ZNF280C: variants seen among roughly 807,000 people sequenced by gnomAD.
ZNF280C encodes suppressor of hairy wing homolog 3.
A neutral mutation model predicts 53.6 loss-of-function variants in ZNF280C; 14 were observed. The observed-to-expected ratio is 0.26, with a 90% CI of 0.17 to 0.41. ZNF280C has a LOEUF of 0.41. Among genes scored for constraint, ZNF280C ranks in the 10% least tolerant of loss-of-function variants. ZNF280C has a pLI of 1.00. For synonymous variants in ZNF280C, 203 were observed against 181.1 expected, an observed-to-expected ratio of 1.12 and a Z score of -0.97; for missense variants, 416 against 547.1, an observed-to-expected ratio of 0.76 and a Z score of 2.39.
At chrX:130,258,924 A>G (rs772203871) in intron 2 of ZNF280C, among the ~76,000 whole-genome samples, 1 of 112,148 alleles carries the variant, frequency 8.9e-6, no homozygotes, top group East Asian at 2.8e-4. Flanking sequence ...ACATGAGCAC[A>G]ATATCTACCT....
chrX:130,221,626 CTCT>C (rs2032164899), intron 12 of ZNF280C, among the ~76,000 whole-genome samples: 1 of 111,350 alleles, frequency 9.0e-6, no homozygotes, highest in African/African-American at 3.3e-5. Flanking sequence ...TCACTCTTAA[CTCT>C]TCTCTTTCTC....
At chrX:130,264,662 G>A (rs1440423755) in intron 1 of ZNF280C, among the ~76,000 whole-genome samples, 6 of 110,529 alleles carry the variant, frequency 5.4e-5, no homozygotes, top group Non-Finnish European at 1.1e-4. Flanking sequence ...TTATATATAA[G>A]TAGGGAATAT....
chrX:130,213,539 G>A (rs1295899675), intron 15 of ZNF280C, among the ~76,000 whole-genome samples: 1 of 112,315 alleles, frequency 8.9e-6, no homozygotes, highest in East Asian at 2.8e-4. Flanking sequence ...GCAAGACTAA[G>A]CATGCCTGAA....
intron 1 of ZNF280C, among the ~76,000 whole-genome samples, chrX:130,262,043 A>G (rs2032635382): frequency 8.9e-6 from 1 of 111,946 alleles, no homozygotes; most frequent in African/African-American, 3.2e-5. Flanking sequence ...AATGATTACT[A>G]AATGTACAAG....
intron 8 of ZNF280C, among the ~76,000 whole-genome samples, chrX:130,231,741 CT>C (rs2032278204): frequency 9.0e-6 from 1 of 111,135 alleles, no homozygotes; most frequent in African/African-American, 3.3e-5. Flanking sequence ...AAAAAAATAG[CT>C]TAGGCTGGGT....
chrX:130,249,647 G>A (rs1569439247), intron 2 of ZNF280C, among the ~76,000 whole-genome samples: 1 of 111,473 alleles, frequency 9.0e-6, no homozygotes, highest in East Asian at 2.8e-4. Context: ...TCAGGTAGAA[G>A]AAAAAAATAA....
chrX:130,253,319 T>C (rs2032534095), intron 2 of ZNF280C, among the ~76,000 whole-genome samples: 2 of 112,706 alleles, frequency 1.8e-5, no homozygotes, highest in Admixed American at 9.4e-5. Context: ...TGAATCAGTA[T>C]TGTTAAAATG....
intron 5 of ZNF280C, among the ~76,000 whole-genome samples, chrX:130,242,574 C>T (rs2032404736): frequency 8.9e-6 from 1 of 112,216 alleles, no homozygotes; most frequent in African/African-American, 3.2e-5. Flanking sequence ...GAGTCTCACT[C>T]TGTTGCCTGG....
At chrX:130,207,627 G>A (rs1442752454) in intron 16 of ZNF280C, among the ~76,000 whole-genome samples, 1 of 111,459 alleles carries the variant, frequency 9.0e-6, no homozygotes, top group East Asian at 2.8e-4. Context: ...TGCCCAAAGT[G>A]CTGGGATTAC....
intron 5 of ZNF280C, among the ~76,000 whole-genome samples, chrX:130,241,528 A>T (rs1371310643): frequency 8.9e-6 from 1 of 112,439 alleles, no homozygotes; most frequent in East Asian, 2.8e-4. Flanking sequence ...TGGGAGGCTG[A>T]GATGGAGGAT....
chrX:130,222,276 CCACACACACACACACACACACACACA>C (rs59694150), intron 12 of ZNF280C, among the ~76,000 whole-genome samples: 11 of 69,936 alleles, frequency 1.6e-4, no homozygotes, highest in Non-Finnish European at 2.4e-4. Context: ...CATTCAGACA[CCACACACACACACACACACACACACA>C]CACACACACA....
chrX:130,236,008 T>G (rs1486246527), intron 8 of ZNF280C, among the ~76,000 whole-genome samples: 1 of 112,223 alleles, frequency 8.9e-6, no homozygotes, highest in Non-Finnish European at 1.9e-5. Context: ...CATAACTTTA[T>G]TTTAAAAATT....
chrX:130,208,296 ATT>A (rs1305807798), intron 16 of ZNF280C, among the ~76,000 whole-genome samples: 1 of 111,039 alleles, frequency 9.0e-6, no homozygotes, highest in Non-Finnish European at 1.9e-5. Flanking sequence ...CGCCCGGCGA[ATT>A]TTTGTATTTT....
At chrX:130,256,441 C>T (rs751662137) in intron 2 of ZNF280C, among the ~76,000 whole-genome samples, 4 of 111,552 alleles carry the variant, frequency 3.6e-5, no homozygotes, top group East Asian at 5.6e-4. Flanking sequence ...TGGGGCCGGG[C>T]GCGGTGGTGG....
rs747060190 is a variant in ZNF280C, at chrX:130,255,784, G to A, written c.31+4635C>T. ...AGCATGGACAACATGGTGAGACGCTGTCCCTACTAAAAATACAAAGATTAG... is the reference window on the plus strand; with the variant it reads ...AGCATGGACAACATGGTGAGACGCTATCCCTACTAAAAATACAAAGATTAG... On this transcript the variant is annotated intron_variant, in intron 2 of 18. Transcript: ENST00000370978. Among the ~76,000 whole-genome samples, 5 of 111,297 alleles carry A rather than the reference G, an allele frequency of 4.5e-5. No homozygotes were observed. The South Asian group carries it at 1.1e-3, about 25-fold the overall frequency.
At chrX:130,221,208 T>G in intron 12 of ZNF280C, among the ~76,000 whole-genome samples, 1 of 111,869 alleles carries the variant, frequency 8.9e-6, no homozygotes, top group Non-Finnish European at 1.9e-5. Context: ...ATTTTAGAAG[T>G]GTGGTGTACT....
intron 10 of ZNF280C, among the ~76,000 whole-genome samples, chrX:130,228,428 C>T (rs1300975324): frequency 1.8e-5 from 2 of 109,130 alleles, no homozygotes; most frequent in Non-Finnish European, 1.9e-5. Context: ...GGATTACAGG[C>T]GTGCGCCACC....
intron 2 of ZNF280C, among the ~76,000 whole-genome samples, chrX:130,252,208 C>T (rs778301981): frequency 8.9e-6 from 1 of 112,232 alleles, no homozygotes; most frequent in South Asian, 3.7e-4. Context: ...TGCAAAAATC[C>T]TCAACAAAAT....
intron 8 of ZNF280C, among the ~76,000 whole-genome samples, chrX:130,233,660 G>C (rs1427968871): frequency 9.6e-6 from 1 of 104,036 alleles, no homozygotes. Flanking sequence ...TAAAAGCATA[G>C]ATTTTCTATT....
Sources: allele counts gnomAD v4.1 joint callset (sites outside exome capture counted in the v4.1 genomes callset), GRCh38; gene constraint gnomAD v4.1.1; transcripts MANE v1.5; gene names NCBI Gene and HGNC (gene_info 2026-07-23, HGNC 2026-07-21).